The following GRIA4 variants were observed in gnomAD, a reference collection of about 807,000 sequenced individuals.
GRIA4 encodes glutamate ionotropic receptor AMPA type subunit 4, also known as glutamate receptor 4.
GRIA4 carries 34 observed loss-of-function variants against 104.0 expected under a neutral mutation model. The observed-to-expected ratio is 0.33, with a 90% CI of 0.25 to 0.44. GRIA4 has a LOEUF of 0.44. GRIA4 is among the 20% of genes least tolerant of loss of function. The probability of loss-of-function intolerance (pLI) is 1.00; values close to 1 mark genes in which losing one functional copy is unlikely to be tolerated. For synonymous variants in GRIA4, 386 were observed against 381.9 expected (o/e 1.01, Z -0.13); for missense variants, 750 against 1,096.5 (o/e 0.68, Z 4.46).
chr11:105,974,748 T>C, intron 16 of GRIA4: 1 of 537,716 alleles, frequency 1.9e-6, no homozygotes, highest in Non-Finnish European at 3.3e-6. Flanking sequence ...CCAATAGATA[T>C]CTGCATTGCA....
rs186783086 is a variant in GRIA4 at position 105,712,111 on chromosome 11, T to G, written c.248-40870T>G. ...TAAAGGTTATTAATCATTATATAGA[T>G]ATATGAAATTGTTATTATAAATAAA... is the stretch of plus-strand genomic sequence containing the variant. On this transcript the variant is annotated intron_variant, in intron 3 of 16. Coordinates refer to ENST00000282499, the MANE Select transcript of GRIA4 (RefSeq NM_000829.4). Among the ~76,000 whole-genome samples, 10 of 152,176 alleles carry G rather than the reference T, an allele frequency of 6.6e-5. No homozygotes were observed. In the East Asian group the frequency reaches 1.9e-3, roughly 29 times the overall value.
rs139098293 is a variant in GRIA4 at position 105,750,492 on chromosome 11, A to T, written c.248-2489A>T. On this transcript the variant is annotated intron_variant, in intron 3 of 16. Coordinates refer to ENST00000282499, the MANE Select transcript of GRIA4 (RefSeq NM_000829.4). ...AATAGAGGAAGAATGACAGACAACT[A>T]TGAAAAGGAGAATAAATAGAAATGT... Among the ~76,000 whole-genome samples the T allele has an allele frequency of 3.1e-3, 469 of 152,248 alleles. 7 individuals are homozygous for T. The East Asian group carries it at 0.051, about 17-fold the overall frequency.
At chr11:105,728,809 A>T (rs894072740) in intron 3 of GRIA4, among the ~76,000 whole-genome samples, 1 of 152,208 alleles carries the variant, frequency 6.6e-6, no homozygotes, top group Non-Finnish European at 1.5e-5. Context: ...ACTAATGATA[A>T]CAAAGACACA....
intron 4 of GRIA4, among the ~76,000 whole-genome samples, chr11:105,820,483 C>G (rs1943537499): frequency 6.6e-6 from 1 of 152,054 alleles, no homozygotes; most frequent in Admixed American, 6.6e-5. Flanking sequence ...TCCCCCATGC[C>G]AGGCATCTCA....
At chr11:105,828,438 A>C (rs1304760447) in intron 4 of GRIA4, among the ~76,000 whole-genome samples, 2 of 151,992 alleles carry the variant, frequency 1.3e-5, no homozygotes, top group Non-Finnish European at 1.5e-5. Context: ...GTATCCAGAT[A>C]ATTTCATATG....
rs1172424668 is a variant in GRIA4 at position 105,903,840 on chromosome 11, A to G, written c.912A>G (p.Gly304=). The G allele has an allele frequency of 6.2e-7, 1 of 1,610,746 alleles. No individual in the cohort carries two copies. The highest frequency in any genetic ancestry group is 1.3e-5 in the African/African-American group (1 of 74,980). ...PKYTSALTYD[G]VLVMAETFRS... ...ACACCTCTGCTCTGACTTATGATGG[A>G]GTCCTTGTGATGGCTGAAACTTTCC... The change falls in exon 8 of 17, where the codon GGA becomes GGG. Residue 304 remains glycine, a synonymous_variant. Coordinates refer to ENST00000282499, the MANE Select transcript of GRIA4 (RefSeq NM_000829.4).
At chr11:105,932,835 G>T (rs1048876929) in intron 13 of GRIA4, among the ~76,000 whole-genome samples, 2 of 152,040 alleles carry the variant, frequency 1.3e-5, no homozygotes, top group African/African-American at 4.8e-5. Context: ...GCTATACCAG[G>T]TTTTGCCTCT....
intron 4 of GRIA4, among the ~76,000 whole-genome samples, chr11:105,782,411 T>C (rs59332515): frequency 0.03 from 4,548 of 152,294 alleles, 134 homozygotes; most frequent in African/African-American, 0.076. Flanking sequence ...TCAATCATAA[T>C]AATAGAAAAT....
At chr11:105,945,608 A>G in intron 14 of GRIA4, 1 of 197,718 alleles carries the variant, frequency 5.1e-6, no homozygotes, top group Non-Finnish European at 9.1e-6. Flanking sequence ...ATATTTTTTA[A>G]CCCACCAGCA....
At chr11:105,775,409 T>C (rs1402602247) in intron 4 of GRIA4, among the ~76,000 whole-genome samples, 3 of 152,170 alleles carry the variant, frequency 2.0e-5, no homozygotes, top group Non-Finnish European at 4.4e-5. Context: ...CTAAAGATAC[T>C]ATATATGCTT....
chr11:105,635,375 G>A (rs1048168361), intron 3 of GRIA4, among the ~76,000 whole-genome samples: 2 of 152,122 alleles, frequency 1.3e-5, no homozygotes, highest in East Asian at 3.9e-4. Flanking sequence ...GAAAGACAGT[G>A]TAAAGATCTG....
At chr11:105,699,455 A>G (rs1254441650) in intron 3 of GRIA4, among the ~76,000 whole-genome samples, 1 of 152,166 alleles carries the variant, frequency 6.6e-6, no homozygotes, top group African/African-American at 2.4e-5. Context: ...AGACGGCTGC[A>G]ACATTGATGT....
rs555529241 is a variant in GRIA4, at chr11:105,957,002, G to A, written c.2295-14912G>A. Among the ~76,000 whole-genome samples the A allele has an allele frequency of 2.0e-5, 3 of 152,218 alleles. No individual in the cohort carries two copies. In the South Asian group the frequency reaches 6.2e-4, roughly 32 times the overall value. Reference sequence around the variant, plus strand: ...TTGTTTAAGTTCTTTGTAGATTCTGGATATTAACCCTTTGTCAGATGGGTA... The same window carrying A: ...TTGTTTAAGTTCTTTGTAGATTCTGAATATTAACCCTTTGTCAGATGGGTA... On this transcript the variant is annotated intron_variant, in intron 14 of 16. Transcript: ENST00000282499.
chr11:105,751,351 AACATTT>A (rs1939984820), intron 3 of GRIA4, among the ~76,000 whole-genome samples: 2 of 152,188 alleles, frequency 1.3e-5, no homozygotes, highest in African/African-American at 4.8e-5. Context: ...GCCTTGGTGG[AACATTT>A]ACAGATTAGG....
At chr11:105,939,836 G>T (rs1426834306) in intron 14 of GRIA4, among the ~76,000 whole-genome samples, 2 of 152,142 alleles carry the variant, frequency 1.3e-5, no homozygotes, top group Non-Finnish European at 2.9e-5. Context: ...CTATTCTCCA[G>T]ATTGACGTTC....
In GRIA4 at chr11:105,982,037, C is replaced by T. The variant is rs1156982787; in HGVS notation, c.*2298C>T. The T allele has an allele frequency of 6.6e-6, 1 of 152,586 alleles. No homozygotes were observed. Among genetic ancestry groups the T allele is most frequent in the African/African-American group, 2.4e-5 (1 of 41,424 alleles). 9.5% of individuals were successfully genotyped at this position (152,586 alleles called of 1,614,324 possible). A position where few individuals can be genotyped will look rare whatever the true frequency, so the allele number is the denominator to read the frequency against. ...CTTGTTCACAGTTGTATCCCCAGCA[C>T]CCAGCACAGTGCCTGGCATATTGTA... On this transcript the variant is annotated 3_prime_UTR_variant, in exon 17 of 17. Coordinates refer to ENST00000282499, the MANE Select transcript of GRIA4 (RefSeq NM_000829.4).
At chr11:105,814,080 T>C (rs1943282571) in intron 4 of GRIA4, among the ~76,000 whole-genome samples, 1 of 151,894 alleles carries the variant, frequency 6.6e-6, no homozygotes. Flanking sequence ...AAAAAGAACT[T>C]GATGTGTTGC....
chr11:105,720,107 T>G (rs1312473876), intron 3 of GRIA4, among the ~76,000 whole-genome samples: 1 of 152,028 alleles, frequency 6.6e-6, no homozygotes, highest in South Asian at 2.1e-4. Context: ...AACTTTGATC[T>G]CTAAACCAGT....
intron 15 of GRIA4, among the ~76,000 whole-genome samples, chr11:105,972,669 A>G (rs796834230): frequency 7.2e-5 from 11 of 152,176 alleles, no homozygotes; most frequent in South Asian, 6.2e-4. Flanking sequence ...ATGCAGGAAA[A>G]AAATAAAAAA....
Sources: gnomAD v4.1 joint callset for allele counts (sites outside exome capture counted in the v4.1 genomes callset) on GRCh38, gnomAD v4.1.1 for gene constraint, MANE v1.5 for transcripts, NCBI Gene and HGNC (gene_info 2026-07-23, HGNC 2026-07-21) for gene names.